ARF5: variants seen among roughly 807,000 people sequenced by gnomAD.
The protein encoded by ARF5 is ARF GTPase 5, also known as ADP-ribosylation factor 5.
In ARF5, 10 loss-of-function variants were observed where a neutral mutation model predicts 24.8. The ratio of observed to expected loss-of-function variants is 0.40; its 90% CI spans 0.25 to 0.68. ARF5 has a LOEUF of 0.68. Among genes scored for constraint, ARF5 ranks in the 30% least tolerant of loss-of-function variants. The probability of loss-of-function intolerance (pLI) is 0.36; values close to 1 mark genes in which losing one functional copy is unlikely to be tolerated. For missense variants in ARF5, 135 were observed against 239.2 expected (o/e 0.56, Z 2.87); for synonymous variants, 102 against 95.1 (o/e 1.07, Z -0.42).
chr7:127,588,540 G>A lies in ARF5; in HGVS notation c.42G>A (p.Gly14=). The A allele has an allele frequency of 1.4e-6, 2 of 1,465,378 alleles. No individual in the cohort carries two copies. The highest frequency in any genetic ancestry group is 9.1e-7 in the Non-Finnish European group (1 of 1,096,656). The allele number at this position is 1,465,378 out of a possible 1,614,324, so 90.8% of individuals were successfully genotyped here. A position where few individuals can be genotyped will look rare whatever the true frequency, so the allele number is the denominator to read the frequency against. Residue 14 remains glycine, a synonymous_variant, in exon 1 of 6, where the codon GGG becomes GGA. Coordinates refer to ENST00000000233, the MANE Select transcript of ARF5 (RefSeq NM_001662.4). The part of the protein sequence containing the change: ...TVSALFSRIF[G]KKQMRILMVG... ...CCGCGCTCTTTTCGCGGATCTTCGG[G>A]AAGAAGCAGATGCGGATTCTCATGG...
At position 127,591,484 on chromosome 7, in the gene ARF5, G is replaced by T. The variant is rs771721984; in HGVS notation, c.*185G>T. The T allele has an allele frequency of 4.8e-5, 27 of 565,592 alleles. No homozygotes were observed. The highest frequency in any genetic ancestry group is 6.6e-5 in the Non-Finnish European group (22 of 333,372). 35.0% of individuals were successfully genotyped at this position (565,592 alleles called of 1,614,324 possible). ...TGGAGCCTGGAGCCTTGCTCTCTGGGCACAGAGGGGTCCACTCTCCTGCCT... is the reference window on the plus strand; with the variant it reads ...TGGAGCCTGGAGCCTTGCTCTCTGGTCACAGAGGGGTCCACTCTCCTGCCT... On this transcript the variant is annotated 3_prime_UTR_variant, in exon 6 of 6. Transcript: ENST00000000233.
Position 127,588,636 on chromosome 7 carries a change from C to G in ARF5, c.67+71C>G. ...GCGCAGCCCTTCCGCCCCCGCGTCC[C>G]TCCAGCCCCGCTCACCTGGGTCTCT... On this transcript the variant is annotated intron_variant, in intron 1 of 5. Coordinates refer to ENST00000000233, the MANE Select transcript of ARF5 (RefSeq NM_001662.4). The G allele has an allele frequency of 3.1e-6, 4 of 1,278,346 alleles. No homozygotes were observed. In the East Asian group the frequency reaches 9.4e-5, roughly 30 times the overall value. The allele number at this position is 1,278,346 out of a possible 1,614,324, so 79.2% of individuals were successfully genotyped here.
chr7:127,588,730 C>A (rs774751163), intron 1 of ARF5, 165 bp downstream of exon 1: 9 of 718,658 alleles, frequency 1.3e-5, no homozygotes, highest in Non-Finnish European at 1.9e-5. Context: ...TCTGCATCGC[C>A]GACCCCGGGG....
Sources: gnomAD v4.1 joint callset for allele counts on GRCh38, gnomAD v4.1.1 for gene constraint, MANE v1.5 for transcripts, NCBI Gene and HGNC (gene_info 2026-07-23, HGNC 2026-07-21) for gene names.